NUMA1: variants seen among roughly 807,000 people sequenced by gnomAD.
NUMA1 encodes nuclear mitotic apparatus protein 1.
In NUMA1, 62 loss-of-function variants were observed where a neutral mutation model predicts 237.1. The observed-to-expected ratio is 0.26, with a 90% CI of 0.21 to 0.32. The LOEUF is 0.32. Ranked by LOEUF, NUMA1 falls within the 10% of genes least tolerant of loss-of-function variation. NUMA1 has a pLI of 1.00. For synonymous variants in NUMA1, 1,028 were observed against 1,066.1 expected (o/e 0.96, Z 0.70); for missense variants, 2,533 against 2,666.5 (o/e 0.95, Z 1.10).
At chr11:72,018,592 A>C in intron 10 of NUMA1, 79 bp from the exon 11 acceptor site, 1 of 1,318,632 alleles carries the variant, frequency 7.6e-7, no homozygotes, top group East Asian at 2.3e-5. Context: ...AACTATGTGC[A>C]CAAGGGGAAG....
At chr11:72,010,892 C>A in intron 16 of NUMA1, 38 bp from the exon 17 acceptor site, 1 of 1,569,080 alleles carries the variant, frequency 6.4e-7, no homozygotes, top group Non-Finnish European at 8.8e-7. Context: ...CTCAGGAGGA[C>A]TTCCCCTGGA....
chr11:72,044,642 G>C (rs1043080049), intron 2 of NUMA1, among the ~76,000 whole-genome samples: 1 of 151,408 alleles, frequency 6.6e-6, no homozygotes, highest in East Asian at 1.9e-4. Flanking sequence ...ACATTCACTT[G>C]GGGACTTTCT....
At chr11:72,025,497 G>A (rs559804883) in intron 4 of NUMA1, among the ~76,000 whole-genome samples, 89 of 152,100 alleles carry the variant, frequency 5.9e-4, no homozygotes, top group African/African-American at 2.0e-3. Flanking sequence ...GGGGAACTTC[G>A]CTGGATCCCC....
chr11:72,004,309 G>C lies in NUMA1; in HGVS notation c.6039C>G (p.Pro2013=). 1 of 1,613,304 alleles carries C rather than the reference G, an allele frequency of 6.2e-7. No homozygotes were observed. The highest frequency in any genetic ancestry group is 8.5e-7 in the Non-Finnish European group (1 of 1,179,818). ...SKKATSCFPR[P]MTPRDRHEGR... ...CTTCATGTCGGTCTCGGGGAGTCAT[G>C]GGGCGTGGGAAACAGCTGGTGGCCT... Residue 2013 remains proline (P), a synonymous_variant, in exon 25 of 27, where the codon CCC becomes CCG. Coordinates refer to ENST00000393695, the MANE Select transcript of NUMA1 (RefSeq NM_006185.4).
At position 72,023,141 on chromosome 11, in the gene NUMA1, C is replaced by T. The variant is rs930713194; in HGVS notation, c.215G>A (p.Arg72Gln). Residue 72 changes from arginine to glutamine, a missense_variant, in exon 6 of 27, where the codon CGA (arginine) becomes CAA (glutamine). Physicochemically the swap from Arg to Gln is conservative, Grantham distance 43. Transcript: ENST00000393695. ...DFVCSFLQKN[R>Q]KHPSSPECLV... ...GCATTCTGGGGAAGAGGGATGTTTT[C>T]GATTTTCTGCAATGACAACAACGTA... is the stretch of plus-strand genomic sequence containing the variant. 5.6e-6 allele frequency: 9 copies of T among 1,612,570 alleles called. No individual in the cohort carries two copies. The highest frequency in any genetic ancestry group is 1.3e-5 in the African/African-American group (1 of 74,828).
intron 2 of NUMA1, among the ~76,000 whole-genome samples, chr11:72,039,130 C>T (rs796318279): frequency 2.0e-4 from 31 of 152,336 alleles, no homozygotes; most frequent in African/African-American, 6.5e-4. Flanking sequence ...TAAAGAGACA[C>T]GCAGCCACTC....
intron 20 of NUMA1, chr11:72,007,921 C>G: frequency 1.1e-5 from 4 of 351,634 alleles, no homozygotes; most frequent in South Asian, 9.0e-5. Context: ...TTCATCTCCT[C>G]TCACCTAGAC....
In NUMA1 at chr11:72,017,708, G is replaced by A; in HGVS notation, c.1098C>T (p.Leu366=). 6.2e-7 allele frequency: 1 copy of A among 1,613,346 alleles called. No individual in the cohort carries two copies. The highest frequency in any genetic ancestry group is 1.3e-5 in the African/African-American group (1 of 75,044). ...LEKQAQLEKE[L]SAALQDKKCL... ...TTACCTTGTCCTGCAGGGCTGCGCT[G>A]AGCTCCTTCTCCAGCTGGGCCTGCT... The change falls in exon 13 of 27, where the codon CTC becomes CTT. Residue 366 remains leucine (L), a synonymous_variant. Coordinates refer to ENST00000393695, the MANE Select transcript of NUMA1 (RefSeq NM_006185.4).
At chr11:72,048,183 G>A (rs1942110357) in intron 2 of NUMA1, among the ~76,000 whole-genome samples, 2 of 151,980 alleles carry the variant, frequency 1.3e-5, no homozygotes, top group African/African-American at 2.4e-5. Flanking sequence ...CGCAACCTCT[G>A]CCTCCCGGGT....
chr11:72,075,358 G>A (rs1943661962), intron 1 of NUMA1, among the ~76,000 whole-genome samples: 1 of 152,170 alleles, frequency 6.6e-6, no homozygotes, highest in African/African-American at 2.4e-5. Flanking sequence ...CCTTCTTGTA[G>A]CCTGGTGTTT....
Position 72,007,401 on chromosome 11 carries a change from C to A in NUMA1, c.5251G>T (p.Val1751Phe). 6.2e-7 allele frequency: 1 copy of A among 1,613,714 alleles called. No individual in the cohort carries two copies. Among genetic ancestry groups the A allele is most frequent in the South Asian group, 1.1e-5 (1 of 91,056 alleles). The part of the protein sequence containing the change: ...LPRTQPDGTS[V>F]PGEPASPISQ... ...ATAGGTGAGGCTGGTTCTCCAGGGA[C>A]GCTGGTGCCGTCTGGCTGGGTACGA... Residue 1751 changes from valine to phenylalanine, a missense_variant, in exon 21 of 27, where the codon GTC becomes TTC. Transcript: ENST00000393695.
intron 1 of NUMA1, among the ~76,000 whole-genome samples, chr11:72,079,163 G>A (rs561708785): frequency 1.4e-4 from 21 of 152,188 alleles, no homozygotes; most frequent in African/African-American, 4.6e-4. Context: ...ATTACATGTC[G>A]CAAATCCTGC....
intron 20 of NUMA1, 131 bp downstream of exon 20, chr11:72,008,557 A>G (rs1407622134): frequency 5.7e-6 from 6 of 1,050,622 alleles, no homozygotes; most frequent in Non-Finnish European, 7.2e-6. Flanking sequence ...GATATCTGGT[A>G]TAATACCCGT....
At position 72,003,200 on chromosome 11, in the gene NUMA1, A is replaced by C; in HGVS notation, c.*327T>G. 2.4e-6 allele frequency: 1 copy of C among 416,884 alleles called. No homozygotes were observed. Among genetic ancestry groups the C allele is most frequent in the Non-Finnish European group, 4.4e-6 (1 of 225,772 alleles). 25.8% of individuals were successfully genotyped at this position (416,884 alleles called of 1,614,324 possible). ...CCTTCTAGATCCAGAGGCTAAGAGG[A>C]AGACTGGCCAGGCCCAAGGACCCAG... is the stretch of plus-strand genomic sequence containing the variant. On this transcript the variant is annotated 3_prime_UTR_variant, in exon 27 of 27. Coordinates refer to ENST00000393695, the MANE Select transcript of NUMA1 (RefSeq NM_006185.4).
At chr11:72,073,094 TA>T (rs1312075708) in intron 1 of NUMA1, among the ~76,000 whole-genome samples, 2 of 138,598 alleles carry the variant, frequency 1.4e-5, no homozygotes, top group Non-Finnish European at 3.1e-5. Context: ...CACAATGGCT[TA>T]CACCCATAAA....
chr11:72,014,835 C>G lies in NUMA1; in HGVS notation c.2668G>C (p.Glu890Gln), dbSNP rs751873616. Residue 890 changes from glutamate to glutamine, a missense_variant, in exon 15 of 27, where the codon GAG becomes CAG. By Grantham distance (29) the Glu-to-Gln change is conservative. Transcript: ENST00000393695. This position sits in a 1 kb window ranked among gnomAD's most constrained non-coding sequence, Gnocchi z 4.6. ...NLARALQQVQ[E>Q]KEVRAQKLAD... ...AGCTTCTGGGCCCTGACTTCCTTCT[C>G]TTGGACCTGCTGGAGTGCTCTGGCC... The G allele has an allele frequency of 6.2e-7, 1 of 1,614,236 alleles. No individual in the cohort carries two copies. The highest frequency in any genetic ancestry group is 8.5e-7 in the Non-Finnish European group (1 of 1,180,044).
intron 6 of NUMA1, among the ~76,000 whole-genome samples, 161 bp from the exon 7 acceptor site, chr11:72,022,580 CTTTT>C (rs10716998): frequency 1.4e-5 from 2 of 139,198 alleles, no homozygotes; most frequent in Non-Finnish European, 1.6e-5. Flanking sequence ...CCAGGAAACA[CTTTT>C]TTTTTTTTTT....
chr11:72,023,906 C>T (rs750013171), intron 5 of NUMA1, among the ~76,000 whole-genome samples: 64 of 152,200 alleles, frequency 4.2e-4, no homozygotes, highest in Admixed American at 2.6e-4. Context: ...TCAAAGTTAT[C>T]TGGGAAAAAC....
Position 72,016,498 on chromosome 11 carries a change from C to T in NUMA1, c.1152G>A (p.Gln384=). The T allele has an allele frequency of 1.2e-6, 2 of 1,614,054 alleles. No individual in the cohort carries two copies. The highest frequency in any genetic ancestry group is 1.7e-6 in the Non-Finnish European group (2 of 1,180,046). ...KCLEEKNEIL[Q]GKLSQLEEHL... ...GTTCTTCCAGCTGTGAAAGTTTTCC[C>T]TGAAGGATTTCGTTCTTCTCTTCAA... Residue 384 remains glutamine (Q), a synonymous_variant, in exon 14 of 27, where the codon CAG becomes CAA. Coordinates refer to ENST00000393695, the MANE Select transcript of NUMA1 (RefSeq NM_006185.4).
Sources: gnomAD v4.1 joint callset for allele counts (sites outside exome capture counted in the v4.1 genomes callset) on GRCh38, gnomAD v4.1.1 for gene constraint, Gnocchi (gnomAD v3.1) non-coding constraint, MANE v1.5 for transcripts, NCBI Gene and HGNC (gene_info 2026-07-23, HGNC 2026-07-21) for gene names.